FNDC3B: variants seen among roughly 807,000 people sequenced by gnomAD.
FNDC3B encodes the protein fibronectin type III domain containing 3B.
In FNDC3B, 12 loss-of-function variants were observed where a neutral mutation model predicts 151.5. The observed-to-expected ratio is 0.08, with a 90% confidence interval of 0.05 to 0.13. The LOEUF (loss-of-function observed/expected upper bound fraction) is 0.13. Ranked by LOEUF, FNDC3B falls within the 10% of genes least tolerant of loss-of-function variation. The pLI, the probability that FNDC3B is intolerant of heterozygous loss-of-function variation, is 1.00. For missense variants in FNDC3B, 1,214 were observed against 1,505.3 expected, an observed-to-expected ratio of 0.81 and a Z score of 3.20; for synonymous variants, 528 against 549.0, an observed-to-expected ratio of 0.96 and a Z score of 0.54.
chr3:172,247,189 A>G (rs1727821997), intron 4 of FNDC3B, among the ~76,000 whole-genome samples: 1 of 152,236 alleles, frequency 6.6e-6, no homozygotes, highest in Non-Finnish European at 1.5e-5. Flanking sequence ...AGTCACTCCT[A>G]GAATCAGTTT....
chr3:172,334,908 C>A (rs546172540), intron 14 of FNDC3B, 36 bp from the exon 15 acceptor site: 19 of 1,593,252 alleles, frequency 1.2e-5, no homozygotes, highest in Middle Eastern at 1.7e-4. Flanking sequence ...TCCCTGATAA[C>A]TAAATCATGT....
At chr3:172,199,542 A>G (rs2108686348) in intron 3 of FNDC3B, among the ~76,000 whole-genome samples, 1 of 152,346 alleles carries the variant, frequency 6.6e-6, no homozygotes, top group Middle Eastern at 3.4e-3. Flanking sequence ...ATACAGTTAA[A>G]TCCTTTCTTA....
chr3:172,173,202 G>A (rs547005232), intron 3 of FNDC3B, among the ~76,000 whole-genome samples: 1 of 152,292 alleles, frequency 6.6e-6, no homozygotes, highest in South Asian at 2.1e-4. Flanking sequence ...AAGACAGGGA[G>A]TTTATAGAAC....
chr3:172,312,881 A>G (rs1055482501), intron 11 of FNDC3B, among the ~76,000 whole-genome samples: 3 of 152,142 alleles, frequency 2.0e-5, no homozygotes, highest in Admixed American at 6.5e-5. Flanking sequence ...GATGATGCTG[A>G]GAGGAAGGAT....
chr3:172,196,505 T>C (rs1724841657), intron 3 of FNDC3B, among the ~76,000 whole-genome samples: 1 of 152,192 alleles, frequency 6.6e-6, no homozygotes, highest in African/African-American at 2.4e-5. Flanking sequence ...TCCATATGTC[T>C]TTTTCCTTGA....
Position 172,040,326 on chromosome 3 carries a change from C to A in FNDC3B, c.-29+555C>A, listed in dbSNP as rs1467420838. Among the ~76,000 whole-genome samples, 1 of 151,720 alleles carries A rather than the reference C, an allele frequency of 6.6e-6. No homozygotes were observed. The highest frequency in any genetic ancestry group is 6.6e-5 in the Admixed American group (1 of 15,260). On this transcript the variant is annotated intron_variant, in intron 1 of 25. Transcript: ENST00000415807. This position sits in a 1 kb window ranked among gnomAD's most constrained non-coding sequence, Gnocchi z 6.6. ...AGTTGGGGCCGCCTCTCCGCGCCGG[C>A]GGGGGCGGTCGGGGGCCTCGAACCC... is the stretch of plus-strand genomic sequence containing the variant.
At chr3:172,076,724 G>A (rs996479311) in intron 1 of FNDC3B, among the ~76,000 whole-genome samples, 2 of 152,124 alleles carry the variant, frequency 1.3e-5, no homozygotes, top group African/African-American at 4.8e-5. Flanking sequence ...AAGATTGAAA[G>A]TTTCCATTGT....
intron 11 of FNDC3B, among the ~76,000 whole-genome samples, chr3:172,313,538 T>G (rs1420344656): frequency 1.3e-5 from 2 of 152,230 alleles, no homozygotes; most frequent in Non-Finnish European, 2.9e-5. Context: ...ATTTATGGAG[T>G]GTGCTCCTCA....
At chr3:172,139,224 G>A (rs76720373) in intron 3 of FNDC3B, among the ~76,000 whole-genome samples, 9,668 of 151,990 alleles carry the variant, frequency 0.064, 411 homozygotes, top group Middle Eastern at 0.11. Context: ...AGACTTGTTT[G>A]GCACACTAAA....
chr3:172,221,461 AG>A (rs35544074), intron 3 of FNDC3B, among the ~76,000 whole-genome samples: 101,103 of 151,904 alleles, frequency 0.67, 34,077 homozygotes, highest in Non-Finnish European at 0.73. Context: ...GGACCTTGTT[AG>A]AAATACTCAT....
intron 11 of FNDC3B, among the ~76,000 whole-genome samples, chr3:172,328,746 T>G (rs756046915): frequency 6.6e-6 from 1 of 152,184 alleles, no homozygotes; most frequent in Non-Finnish European, 1.5e-5. Context: ...TTTTCTGTAG[T>G]GCCTTTATGT....
Position 172,341,113 on chromosome 3 carries a change from C to A in FNDC3B, c.1853C>A (p.Ala618Glu), listed in dbSNP as rs139658890. The A allele has an allele frequency of 1.9e-6, 3 of 1,605,410 alleles. No individual in the cohort carries two copies. The South Asian group carries it at 3.3e-5, about 18-fold the overall frequency. Residue 618 changes from alanine (A) to glutamate (E), a missense_variant and splice_region_variant, in exon 17 of 26, where the codon GCG becomes GAG. Ala to Glu is a moderately radical substitution (Grantham distance 107, BLOSUM62 -1). Transcript: ENST00000415807. ...LLEITDGNSE[A>E]NQWEVAYSGS... ...GTCATGCATAAGTCTTGTTTTACAG[C>A]GAATCAGTGGGAAGTGGCCTACAGT...
chr3:172,271,728 T>G (rs370544360), intron 6 of FNDC3B, among the ~76,000 whole-genome samples: 1 of 152,198 alleles, frequency 6.6e-6, no homozygotes, highest in African/African-American at 2.4e-5. Context: ...CAGAAAGCCG[T>G]GCAGACGTGG....
rs562030672 is a variant in FNDC3B, at chr3:172,283,486, C to T, written c.791-2440C>T. On this transcript the variant is annotated intron_variant, in intron 6 of 25. Transcript: ENST00000415807. ...CTTCCTTGTGTGTTGAGTAGGTGAT[C>T]ATCCCTGTTCTAAACTTTTATTACT... Among the ~76,000 whole-genome samples the T allele has an allele frequency of 2.0e-5, 3 of 152,280 alleles. No homozygotes were observed. The East Asian group carries it at 5.8e-4, about 29-fold the overall frequency.
intron 1 of FNDC3B, among the ~76,000 whole-genome samples, chr3:172,075,724 AACACACACACACACACACACAC>A (rs57920659): frequency 6.8e-6 from 1 of 146,850 alleles, no homozygotes; most frequent in Non-Finnish European, 1.5e-5. Context: ...TAGCCCAGTA[AACACACACACACACACACACAC>A]ACACACACAC....
At chr3:172,113,110 G>T (rs1720059655) in intron 2 of FNDC3B, among the ~76,000 whole-genome samples, 1 of 152,134 alleles carries the variant, frequency 6.6e-6, no homozygotes, top group Admixed American at 6.5e-5. Flanking sequence ...AGTTATTTGT[G>T]AACTCAGTCA....
intron 16 of FNDC3B, among the ~76,000 whole-genome samples, chr3:172,340,516 C>A (rs912116527): frequency 6.6e-6 from 1 of 152,130 alleles, no homozygotes; most frequent in African/African-American, 2.4e-5. Flanking sequence ...AAACTCCTGA[C>A]CTCAGGTGAT....
At chr3:172,248,277 A>T (rs981597278) in intron 5 of FNDC3B, among the ~76,000 whole-genome samples, 3 of 152,214 alleles carry the variant, frequency 2.0e-5, no homozygotes, top group Non-Finnish European at 4.4e-5. Context: ...ATGCTGGCAG[A>T]ACTCAAAAAT....
chr3:172,352,729 T>C lies in FNDC3B; in HGVS notation c.2515-74T>C. 7.0e-7 allele frequency: 1 copy of C among 1,427,236 alleles called. No homozygotes were observed. The highest frequency in any genetic ancestry group is 9.5e-7 in the Non-Finnish European group (1 of 1,050,666). The allele number at this position is 1,427,236 out of a possible 1,614,324, so 88.4% of individuals were successfully genotyped here. A position where few individuals can be genotyped will look rare whatever the true frequency, so the allele number is the denominator to read the frequency against. ...TGTGTACTACTTTAGATTTATTTAA[T>C]GGCAGCTAACTCAGAGGCATCAAAA... On this transcript the variant is annotated intron_variant, in intron 21 of 25. Coordinates refer to ENST00000415807, the MANE Select transcript of FNDC3B (RefSeq NM_022763.4). This position sits in a 1 kb window ranked among gnomAD's most constrained non-coding sequence, Gnocchi z 4.2.
Sources: allele counts gnomAD v4.1 joint callset (sites outside exome capture counted in the v4.1 genomes callset), GRCh38; gene constraint gnomAD v4.1.1; non-coding constraint Gnocchi (gnomAD v3.1); transcripts MANE v1.5; gene names NCBI Gene and HGNC (gene_info 2026-07-23, HGNC 2026-07-21).